MBTPS1: variants seen among roughly 807,000 people sequenced by gnomAD.
The protein encoded by MBTPS1 is membrane bound transcription factor peptidase, site 1.
MBTPS1 carries 94 observed loss-of-function variants against 127.8 expected under a neutral mutation model. The ratio of observed to expected loss-of-function variants is 0.74; its 90% confidence interval spans 0.62 to 0.87. The LOEUF is 0.87. Ranked by LOEUF, MBTPS1 falls within the 40% of genes least tolerant of loss-of-function variation. The pLI is 0.00. For missense variants in MBTPS1, 1,636 were observed against 1,353.2 expected, an observed-to-expected ratio of 1.21 and a Z score of -3.28; for synonymous variants, 632 against 509.4, an observed-to-expected ratio of 1.24 and a Z score of -3.24.
chr16:84,091,875 T>C (rs548666868), intron 6 of MBTPS1, 27 bp from the exon 7 acceptor site: 6 of 1,299,306 alleles, frequency 4.6e-6, no homozygotes, highest in South Asian at 1.2e-5. Context: ...ACAGTCTGCT[T>C]AGTGTTTCAA....
intron 1 of MBTPS1, among the ~76,000 whole-genome samples, chr16:84,106,717 T>G (rs2086328691): frequency 6.6e-6 from 1 of 152,204 alleles, no homozygotes; most frequent in Admixed American, 6.5e-5. Context: ...CAGATCGCTC[T>G]GGCTTCGGTG....
chr16:84,077,234 G>GAAAAAAAAA (rs1191331764), intron 11 of MBTPS1, among the ~76,000 whole-genome samples: 9 of 100,272 alleles, frequency 9.0e-5, no homozygotes, highest in Non-Finnish European at 1.2e-4. Context: ...CATTAAAAAA[G>GAAAAAAAAA]AAAAAAAAAA....
rs56156292 is a variant in MBTPS1, at chr16:84,105,827, G to C, written c.-324-3720C>G. Among the ~76,000 whole-genome samples, 1,016 of 152,246 alleles carry C rather than the reference G, an allele frequency of 6.7e-3. 11 individuals are homozygous for C. Among genetic ancestry groups the C allele is most frequent in the Admixed American group, 0.011 (169 of 15,296 alleles). On this transcript the variant is annotated intron_variant, in intron 1 of 22. Transcript: ENST00000343411. ...TGTGTTCACCCATCCAACTCATCTAGTGAGAAACTACTAAAAGCCAGGCAC... is the reference window on the plus strand; with the variant it reads ...TGTGTTCACCCATCCAACTCATCTACTGAGAAACTACTAAAAGCCAGGCAC...
At chr16:84,100,323 T>A (rs895392125) in intron 2 of MBTPS1, among the ~76,000 whole-genome samples, 1 of 152,078 alleles carries the variant, frequency 6.6e-6, no homozygotes, top group African/African-American at 2.4e-5. Flanking sequence ...TGCAGGAGGA[T>A]CACCTGAGGT....
chr16:84,090,643 A>G (rs2086092170), intron 8 of MBTPS1, among the ~76,000 whole-genome samples: 1 of 152,234 alleles, frequency 6.6e-6, no homozygotes, highest in African/African-American at 2.4e-5. Flanking sequence ...TTTTAAAAAT[A>G]TATAAATAGA....
intron 16 of MBTPS1, 83 bp from the exon 17 acceptor site, chr16:84,066,696 A>C: frequency 1.5e-6 from 2 of 1,338,054 alleles, no homozygotes; most frequent in Non-Finnish European, 2.1e-6. Context: ...GACAAAACTC[A>C]ATTTCTCCTG....
At position 84,063,413 on chromosome 16, in the gene MBTPS1, C is replaced by A. The variant is rs767118837; in HGVS notation, c.2464G>T (p.Val822Phe). ...AGTCCCAAAATGGGGACGTTTTCAA[C>A]AACTGCTGTTTCCTGCTTTAAAACC... ...LEVLKQETAV[V>F]ENVPILGLYQ... The change falls in exon 19 of 23, where the codon GTT becomes TTT. Residue 822 changes from valine (V) to phenylalanine (F), a missense_variant. Val to Phe is a conservative substitution (Grantham distance 50). Coordinates refer to ENST00000343411, the MANE Select transcript of MBTPS1 (RefSeq NM_003791.4). 6 of 1,614,184 alleles carry A rather than the reference C, an allele frequency of 3.7e-6. No homozygotes were observed. The highest frequency in any genetic ancestry group is 5.1e-6 in the Non-Finnish European group (6 of 1,180,012).
chr16:84,084,305 A>G (rs1237574837), intron 10 of MBTPS1, among the ~76,000 whole-genome samples: 1 of 152,238 alleles, frequency 6.6e-6, no homozygotes, highest in Non-Finnish European at 1.5e-5. Flanking sequence ...ATTAAGGGCC[A>G]GTCACTAAGC....
intron 21 of MBTPS1, among the ~76,000 whole-genome samples, chr16:84,058,385 G>T (rs896692602): frequency 4.6e-5 from 7 of 152,202 alleles, no homozygotes; most frequent in Non-Finnish European, 8.8e-5. Context: ...CAGGCAGGGG[G>T]CCTGTCAAGA....
chr16:84,056,355 A>G (rs2085521703), intron 21 of MBTPS1: 1 of 490,540 alleles, frequency 2.0e-6, no homozygotes, highest in Non-Finnish European at 3.7e-6. Flanking sequence ...CCTGTTCATG[A>G]GATTCTACTG....
chr16:84,067,469 C>T (rs1484365572), intron 16 of MBTPS1, among the ~76,000 whole-genome samples, 198 bp downstream of exon 16: 1 of 152,204 alleles, frequency 6.6e-6, no homozygotes, highest in African/African-American at 2.4e-5. Context: ...CTGCCCAACT[C>T]AGCCTTCCAA....
At chr16:84,095,941 T>C in intron 3 of MBTPS1, 136 bp from the exon 4 acceptor site, 1 of 657,604 alleles carries the variant, frequency 1.5e-6, no homozygotes. Context: ...TTATCTTCTT[T>C]TTCTGGAAGG....
At chr16:84,061,077 C>T (rs759840593) in intron 19 of MBTPS1, 1 of 274,004 alleles carries the variant, frequency 3.6e-6, no homozygotes, top group Non-Finnish European at 7.1e-6. Flanking sequence ...CTCAGCCTCC[C>T]AAAGTGCTGG....
intron 10 of MBTPS1, among the ~76,000 whole-genome samples, chr16:84,082,353 G>C (rs1017148084): frequency 1.3e-5 from 2 of 152,164 alleles, no homozygotes; most frequent in Admixed American, 6.5e-5. Context: ...GCACAGGTCT[G>C]AGTGAGGACC....
chr16:84,094,733 G>C (rs1280908778), intron 4 of MBTPS1, among the ~76,000 whole-genome samples: 1 of 152,106 alleles, frequency 6.6e-6, no homozygotes, highest in South Asian at 2.1e-4. Flanking sequence ...CTCATGACTA[G>C]AAAATTTGTT....
rs1313148836 is a variant in MBTPS1, at chr16:84,074,911, A to G, written c.1449-170T>C. On this transcript the variant is annotated intron_variant, in intron 11 of 22. Transcript: ENST00000343411. ...TTGGCTCTGGAATGCTCCTGCACAG[A>G]TAAGGCCTCTGTGCCAGCCTGCTGT... 7.5e-6 allele frequency: 4 copies of G among 534,910 alleles called. No homozygotes were observed. The East Asian group carries it at 9.6e-5, about 13-fold the overall frequency. 33.1% of individuals were successfully genotyped at this position (534,910 alleles called of 1,614,324 possible). A position where few individuals can be genotyped will look rare whatever the true frequency, so the allele number is the denominator to read the frequency against.
chr16:84,087,049 G>A (rs2086038478), intron 9 of MBTPS1, among the ~76,000 whole-genome samples: 1 of 152,062 alleles, frequency 6.6e-6, no homozygotes, highest in Non-Finnish European at 1.5e-5. Context: ...AAACGGGCAG[G>A]AACCCAATTC....
At chr16:84,071,690 CA>C (rs1254906897) in intron 12 of MBTPS1, 1 of 151,810 alleles carries the variant, frequency 6.6e-6, no homozygotes, top group Non-Finnish European at 1.5e-5. Context: ...TTTCCATCTG[CA>C]AAACAATAAA....
At chr16:84,065,010 A>G (rs10445073) in intron 18 of MBTPS1, among the ~76,000 whole-genome samples, 40,164 of 152,166 alleles carry the variant, frequency 0.26, 5,522 homozygotes, top group Non-Finnish European at 0.29. Flanking sequence ...GCATGACAGA[A>G]ACGAATCTTG....
Sources: gnomAD v4.1 joint callset for allele counts (sites outside exome capture counted in the v4.1 genomes callset) on GRCh38, gnomAD v4.1.1 for gene constraint, MANE v1.5 for transcripts, NCBI Gene and HGNC (gene_info 2026-07-23, HGNC 2026-07-21) for gene names.